MAP2K5: variants seen among roughly 807,000 people sequenced by gnomAD.
MAP2K5 encodes mitogen-activated protein kinase kinase 5.
In MAP2K5, 49 loss-of-function variants were observed where a neutral mutation model predicts 83.1. The ratio of observed to expected loss-of-function variants is 0.59; its 90% CI spans 0.47 to 0.75. The LOEUF (loss-of-function observed/expected upper bound fraction) is 0.75. MAP2K5 is among the 30% of genes least tolerant of loss of function. The probability of loss-of-function intolerance (pLI) is 0.00; values close to 1 mark genes in which losing one functional copy is unlikely to be tolerated. For missense variants in MAP2K5, 457 were observed against 557.5 expected, an observed-to-expected ratio of 0.82 and a Z score of 1.82; for synonymous variants, 202 against 191.8, an observed-to-expected ratio of 1.05 and a Z score of -0.44.
chr15:67,607,786 G>T (rs909703506), intron 8 of MAP2K5, among the ~76,000 whole-genome samples: 1 of 152,010 alleles, frequency 6.6e-6, no homozygotes, highest in Admixed American at 6.6e-5. Context: ...TTGGAAAAGG[G>T]TATCTTGGTT....
At chr15:67,716,018 T>C (rs547523410) in intron 16 of MAP2K5, among the ~76,000 whole-genome samples, 1 of 152,334 alleles carries the variant, frequency 6.6e-6, no homozygotes, top group African/African-American at 2.4e-5. Context: ...TGCAGTCATA[T>C]ATTCATTTGG....
At chr15:67,805,516 G>A (rs2090785883) in intron 21 of MAP2K5, among the ~76,000 whole-genome samples, 1 of 152,248 alleles carries the variant, frequency 6.6e-6, no homozygotes, top group Admixed American at 6.5e-5. Context: ...AGGCTGGGGT[G>A]TGCTGGGAAA....
chr15:67,769,487 C>T lies in MAP2K5; in HGVS notation c.1135-115C>T, dbSNP rs552438037. The T allele has an allele frequency of 3.5e-6, 3 of 861,452 alleles. No individual in the cohort carries two copies. The highest frequency in any genetic ancestry group is 1.7e-5 in the African/African-American group (1 of 59,704). The allele number at this position is 861,452 out of a possible 1,614,324, so 53.4% of individuals were successfully genotyped here. The stretch of plus-strand genomic sequence containing the variant: ...AGACAGTCTTTTTAATTGGGTGAGG[C>T]CTTATTCTCATTGTATTCATCTTTA... On this transcript the variant is annotated intron_variant, in intron 19 of 21. Coordinates refer to ENST00000178640, the MANE Select transcript of MAP2K5 (RefSeq NM_145160.3). This position sits in a 1 kb window ranked among gnomAD's most constrained non-coding sequence, Gnocchi z 5.2.
At chr15:67,611,196 G>T (rs1007407637) in intron 8 of MAP2K5, among the ~76,000 whole-genome samples, 2 of 152,218 alleles carry the variant, frequency 1.3e-5, no homozygotes, top group African/African-American at 4.8e-5. Context: ...TAAAAATTAT[G>T]AATAAAATAT....
chr15:67,717,121 T>C lies in MAP2K5; in HGVS notation c.1045-10795T>C, dbSNP rs974670204. Among the ~76,000 whole-genome samples the C allele has an allele frequency of 1.3e-5, 2 of 152,154 alleles. No homozygotes were observed. The highest frequency in any genetic ancestry group is 1.3e-4 in the Admixed American group (2 of 15,274). ...GAAAAAAGAAGAGATGAATGGTAAA[T>C]GGAACTGAGCAGGAAATCAGATAAA... On this transcript the variant is annotated intron_variant, in intron 16 of 21. Coordinates refer to ENST00000178640, the MANE Select transcript of MAP2K5 (RefSeq NM_145160.3). This position sits in a 1 kb window ranked among gnomAD's most constrained non-coding sequence, Gnocchi z 4.1.
chr15:67,674,302 T>C (rs2087624875), intron 13 of MAP2K5, among the ~76,000 whole-genome samples: 1 of 152,156 alleles, frequency 6.6e-6, no homozygotes, highest in Non-Finnish European at 1.5e-5. Context: ...TTTAATCAGA[T>C]GGGTCTGGAA....
In MAP2K5 at chr15:67,660,295, A is replaced by G. The variant is rs146846394; in HGVS notation, c.798+1681A>G. On this transcript the variant is annotated intron_variant, in intron 12 of 21. Coordinates refer to ENST00000178640, the MANE Select transcript of MAP2K5 (RefSeq NM_145160.3). ...CTCCAAAATGTAGTGTTTTTTTTGT[A>G]TGTTTCCTGAGTAGGCTACAAATTT... 8.8e-4 allele frequency among the ~76,000 whole-genome samples: 132 copies of G among 150,792 alleles called. No homozygotes were observed. In the Middle Eastern group the frequency reaches 0.01, roughly 12 times the overall value.
Position 67,785,508 on chromosome 15 carries a change from C to T in MAP2K5, c.1242+12756C>T, listed in dbSNP as rs1193082661. On this transcript the variant is annotated intron_variant, in intron 21 of 21. Coordinates refer to ENST00000178640, the MANE Select transcript of MAP2K5 (RefSeq NM_145160.3). This position sits in a 1 kb window ranked among gnomAD's most constrained non-coding sequence, Gnocchi z 4.4. ...GACACTAATCCAGCAAACACAAATC[C>T]ATCATACATGCAAACAAAGTAGTCA... Among the ~76,000 whole-genome samples the T allele has an allele frequency of 1.1e-4, 17 of 152,160 alleles. No individual in the cohort carries two copies. The highest frequency in any genetic ancestry group is 1.1e-3 in the Admixed American group (17 of 15,270).
chr15:67,708,150 T>A lies in MAP2K5; in HGVS notation c.1044+4742T>A, dbSNP rs997291763. On this transcript the variant is annotated intron_variant, in intron 16 of 21. Coordinates refer to ENST00000178640, the MANE Select transcript of MAP2K5 (RefSeq NM_145160.3). The surrounding 1 kb of genome is among the most constrained non-coding windows in gnomAD (Gnocchi z 4.9). ...GGGCAACATAGCAAGACTCCATCTC[T>A]AAAAAAACAATTTTTTTTTTCATTT... Among the ~76,000 whole-genome samples the A allele has an allele frequency of 6.6e-6, 1 of 151,764 alleles. No homozygotes were observed. The highest frequency in any genetic ancestry group is 1.5e-5 in the Non-Finnish European group (1 of 67,928).
At position 67,720,363 on chromosome 15, in the gene MAP2K5, C is replaced by T. The variant is rs2088930299; in HGVS notation, c.1045-7553C>T. On this transcript the variant is annotated intron_variant, in intron 16 of 21. Transcript: ENST00000178640. The surrounding 1 kb of genome is among the most constrained non-coding windows in gnomAD (Gnocchi z 5.7). Reference sequence around the variant, plus strand: ...ACATATATATCTATATATATACACACTTACACACACACAAGGAAAAAAAGA... The same window carrying T: ...ACATATATATCTATATATATACACATTTACACACACACAAGGAAAAAAAGA... Among the ~76,000 whole-genome samples, 1 of 151,896 alleles carries T rather than the reference C, an allele frequency of 6.6e-6. No homozygotes were observed. The highest frequency in any genetic ancestry group is 6.6e-5 in the Admixed American group (1 of 15,256).
chr15:67,575,562 C>T (rs962149245), intron 3 of MAP2K5, among the ~76,000 whole-genome samples: 30 of 152,160 alleles, frequency 2.0e-4, no homozygotes, highest in African/African-American at 7.0e-4. Flanking sequence ...GGTAACCCTA[C>T]CTATTTAGGT....
At chr15:67,600,142 A>G (rs759725070) in intron 7 of MAP2K5, among the ~76,000 whole-genome samples, 1 of 152,152 alleles carries the variant, frequency 6.6e-6, no homozygotes, top group Non-Finnish European at 1.5e-5. Flanking sequence ...CTGCCTAATT[A>G]TTGCTGTATA....
At chr15:67,551,476 G>A (rs746656167) in intron 2 of MAP2K5, among the ~76,000 whole-genome samples, 3 of 152,170 alleles carry the variant, frequency 2.0e-5, no homozygotes, top group Non-Finnish European at 4.4e-5. Context: ...GGGACTACAC[G>A]CATGCACCAC....
chr15:67,752,535 G>A (rs575561151), intron 19 of MAP2K5, among the ~76,000 whole-genome samples: 14 of 151,630 alleles, frequency 9.2e-5, no homozygotes, highest in South Asian at 2.1e-4. Context: ...AAAATGAGCC[G>A]AGCCGGCTGG....
chr15:67,566,395 C>A (rs568319781), intron 3 of MAP2K5, among the ~76,000 whole-genome samples: 1 of 152,052 alleles, frequency 6.6e-6, no homozygotes, highest in African/African-American at 2.4e-5. Context: ...AGGCTGGTCT[C>A]GAACTCCTGA....
chr15:67,714,307 A>G (rs2088774210), intron 16 of MAP2K5, among the ~76,000 whole-genome samples: 1 of 151,628 alleles, frequency 6.6e-6, no homozygotes, highest in Non-Finnish European at 1.5e-5. Context: ...TCTTATATGT[A>G]TTGAGTGCTT....
chr15:67,658,935 A>G (rs951251132), intron 12 of MAP2K5: 1 of 428,876 alleles, frequency 2.3e-6, no homozygotes, highest in Non-Finnish European at 4.6e-6. Context: ...TTTTGTAGTT[A>G]TGATTAGCAT....
chr15:67,629,865 G>A (rs913184748), intron 8 of MAP2K5, among the ~76,000 whole-genome samples: 1 of 152,076 alleles, frequency 6.6e-6, no homozygotes, highest in Non-Finnish European at 1.5e-5. Flanking sequence ...AATTTTTATT[G>A]TATAAAAATG....
At chr15:67,605,782 C>G (rs981885990) in intron 8 of MAP2K5, among the ~76,000 whole-genome samples, 2 of 151,970 alleles carry the variant, frequency 1.3e-5, no homozygotes, top group Non-Finnish European at 2.9e-5. Context: ...TAAAATAGAC[C>G]CTTGGTACGT....
Sources: allele counts gnomAD v4.1 joint callset (sites outside exome capture counted in the v4.1 genomes callset), GRCh38; gene constraint gnomAD v4.1.1; non-coding constraint Gnocchi (gnomAD v3.1); transcripts MANE v1.5; gene names NCBI Gene and HGNC (gene_info 2026-07-23, HGNC 2026-07-21).